Variants in SMAD9 observed in about 807,000 individuals in gnomAD.
The protein encoded by SMAD9 is SMAD family member 9, also known as MAD homolog 9.
SMAD9 carries 36 observed loss-of-function variants against 46.1 expected under a neutral mutation model. That is an observed-to-expected ratio of 0.78 (90% CI 0.60 to 1.03). The LOEUF (loss-of-function observed/expected upper bound fraction) is 1.03. SMAD9 is among the 50% of genes least tolerant of loss of function. The probability of loss-of-function intolerance (pLI) is 0.00; values close to 1 mark genes in which losing one functional copy is unlikely to be tolerated. For missense variants in SMAD9, 572 were observed against 599.8 expected, an observed-to-expected ratio of 0.95 and a Z score of 0.48; for synonymous variants, 245 against 237.1, an observed-to-expected ratio of 1.03 and a Z score of -0.31.
At chr13:36,909,556 T>A (rs543685023) in intron 1 of SMAD9, among the ~76,000 whole-genome samples, 2 of 152,176 alleles carry the variant, frequency 1.3e-5, no homozygotes, top group Non-Finnish European at 2.9e-5. Context: ...CCCACAAATG[T>A]GTTATTTTAT....
intron 1 of SMAD9, among the ~76,000 whole-genome samples, chr13:36,918,594 T>C (rs188135320): frequency 6.6e-6 from 1 of 152,370 alleles, no homozygotes; most frequent in Admixed American, 6.5e-5. Flanking sequence ...CATCCTTTTC[T>C]TATCTGAAGC....
At chr13:36,902,384 C>A (rs185573612) in intron 1 of SMAD9, among the ~76,000 whole-genome samples, 4 of 152,048 alleles carry the variant, frequency 2.6e-5, no homozygotes, top group Non-Finnish European at 2.9e-5. Context: ...ACATCAATAC[C>A]ACACTATTTT....
intron 5 of SMAD9, among the ~76,000 whole-genome samples, chr13:36,859,992 T>C (rs1359101634): frequency 4.0e-5 from 6 of 151,556 alleles, no homozygotes; most frequent in Non-Finnish European, 7.4e-5. Context: ...AAAAAAGAAA[T>C]AACCATAAAA....
intron 1 of SMAD9, among the ~76,000 whole-genome samples, chr13:36,909,116 C>T (rs945433698): frequency 2.6e-5 from 4 of 152,056 alleles, no homozygotes; most frequent in African/African-American, 4.8e-5. Context: ...AAAGTTTCAA[C>T]GGAGATTTTG....
intron 1 of SMAD9, among the ~76,000 whole-genome samples, chr13:36,887,981 A>G (rs187366158): frequency 2.1e-3 from 319 of 152,232 alleles, no homozygotes; most frequent in African/African-American, 7.3e-3. Context: ...TGCATAGAAA[A>G]CAAAAGGCAA....
intron 3 of SMAD9, among the ~76,000 whole-genome samples, chr13:36,870,479 C>G (rs2058280473): frequency 6.6e-6 from 1 of 152,136 alleles, no homozygotes; most frequent in African/African-American, 2.4e-5. Flanking sequence ...CCTCCCTCCC[C>G]CAATTCACTG....
Position 36,911,623 on chromosome 13 carries a change from G to T in SMAD9, c.-187+8493C>A, listed in dbSNP as rs1160749138. Among the ~76,000 whole-genome samples, 23 of 138,868 alleles carry T rather than the reference G, an allele frequency of 1.7e-4. 1 individual carries two copies. Among genetic ancestry groups the T allele is most frequent in the African/African-American group, 2.8e-4 (11 of 39,658 alleles). The allele number at this position is 138,868 out of a possible 152,430, so 91.1% of individuals were successfully genotyped here. ...CCCGGCCAAAGGCTGCCTGGGGGGG[G>T]GGGGGGCGGGTGGAGTTCATAAACT... On this transcript the variant is annotated intron_variant, in intron 1 of 6. Coordinates refer to ENST00000379826, the MANE Select transcript of SMAD9 (RefSeq NM_001127217.3).
intron 2 of SMAD9, among the ~76,000 whole-genome samples, chr13:36,873,382 T>G (rs570676386): frequency 3.9e-5 from 6 of 152,220 alleles, no homozygotes; most frequent in African/African-American, 1.4e-4. Context: ...CCCTAAGTGA[T>G]CCCCAGAATA....
chr13:36,873,248 A>C (rs538677673), intron 2 of SMAD9, among the ~76,000 whole-genome samples: 9 of 152,156 alleles, frequency 5.9e-5, no homozygotes, highest in African/African-American at 7.2e-5. Context: ...CTACCTTGGA[A>C]ATGACCAGAG....
At chr13:36,872,560 A>G in intron 3 of SMAD9, 98 bp downstream of exon 3, 1 of 1,360,076 alleles carries the variant, frequency 7.4e-7, no homozygotes, top group South Asian at 1.2e-5. Flanking sequence ...TACTATATGA[A>G]TGACAGTTAC....
intron 1 of SMAD9, among the ~76,000 whole-genome samples, chr13:36,918,649 G>A (rs1309404236): frequency 1.3e-5 from 2 of 152,218 alleles, no homozygotes; most frequent in Non-Finnish European, 2.9e-5. Context: ...CTAAAATTGT[G>A]CTGATGCTTT....
At chr13:36,855,361 G>C (rs941895754) in intron 5 of SMAD9, among the ~76,000 whole-genome samples, 97 of 151,792 alleles carry the variant, frequency 6.4e-4, no homozygotes, top group African/African-American at 2.3e-3. Flanking sequence ...AAATGTCTGG[G>C]TTTGAGATTT....
At position 36,872,811 on chromosome 13, in the gene SMAD9, G is replaced by A. The variant is rs751065219; in HGVS notation, c.517C>T (p.His173Tyr). 1.2e-6 allele frequency: 2 copies of A among 1,614,130 alleles called. No individual in the cohort carries two copies. Among genetic ancestry groups the A allele is most frequent in the Non-Finnish European group, 1.7e-6 (2 of 1,180,028 alleles). Residue 173 changes from histidine to tyrosine, a missense_variant, in exon 3 of 7, where the codon CAC (histidine) becomes TAC (tyrosine). Coordinates refer to ENST00000379826, the MANE Select transcript of SMAD9 (RefSeq NM_001127217.3). ...ASLHSEPLMP[H>Y]NATYPDSFQQ... ...AAAGAGTCAGGATAGGTGGCGTTGTGTGGCATGAGTGGCTCACTGTGCAGG... is the reference window on the plus strand; with the variant it reads ...AAAGAGTCAGGATAGGTGGCGTTGTATGGCATGAGTGGCTCACTGTGCAGG...
At chr13:36,874,690 T>C (rs947510258) in intron 2 of SMAD9, among the ~76,000 whole-genome samples, 1 of 151,662 alleles carries the variant, frequency 6.6e-6, no homozygotes, top group African/African-American at 2.4e-5. Context: ...ACCCCGTCTC[T>C]ACTAAAAATA....
At chr13:36,912,176 T>A (rs1034416637) in intron 1 of SMAD9, among the ~76,000 whole-genome samples, 2 of 152,172 alleles carry the variant, frequency 1.3e-5, no homozygotes, top group African/African-American at 2.4e-5. Context: ...TCAAACCATT[T>A]AATAGTTATC....
intron 5 of SMAD9, among the ~76,000 whole-genome samples, chr13:36,857,693 C>T (rs1460989428): frequency 6.6e-6 from 1 of 152,080 alleles, no homozygotes; most frequent in African/African-American, 2.4e-5. Context: ...AACCTACTAA[C>T]AGAGGAAGAA....
chr13:36,858,429 C>T (rs1340909975), intron 5 of SMAD9, among the ~76,000 whole-genome samples: 1 of 152,210 alleles, frequency 6.6e-6, no homozygotes, highest in Non-Finnish European at 1.5e-5. Context: ...GCACCTTTTC[C>T]TAACTCACAC....
chr13:36,865,043 C>A (rs2058218528), intron 5 of SMAD9, among the ~76,000 whole-genome samples: 1 of 152,178 alleles, frequency 6.6e-6, no homozygotes, highest in Non-Finnish European at 1.5e-5. Context: ...ACCCAATCAG[C>A]CTGCACACAG....
intron 5 of SMAD9, among the ~76,000 whole-genome samples, chr13:36,861,441 C>T (rs560125467): frequency 7.3e-5 from 11 of 151,682 alleles, no homozygotes; most frequent in Admixed American, 4.6e-4. Flanking sequence ...CAGCCTCCTG[C>T]GTAGCTGGTA....
Sources: gnomAD v4.1 joint callset for allele counts (sites outside exome capture counted in the v4.1 genomes callset) on GRCh38, gnomAD v4.1.1 for gene constraint, MANE v1.5 for transcripts, NCBI Gene and HGNC (gene_info 2026-07-23, HGNC 2026-07-21) for gene names.